The following INPP5F variants were observed in gnomAD, a reference collection of about 807,000 sequenced individuals.
The protein encoded by INPP5F is phosphatidylinositide 4-phosphatase SAC2.
INPP5F carries 97 observed loss-of-function variants against 137.2 expected under a neutral mutation model. The observed-to-expected ratio is 0.71, with a 90% CI of 0.60 to 0.84. The LOEUF (loss-of-function observed/expected upper bound fraction) is 0.84. INPP5F is among the 40% of genes least tolerant of loss of function. INPP5F has a pLI of 0.00. For missense variants in INPP5F, 1,271 were observed against 1,371.9 expected (o/e 0.93, Z 1.16); for synonymous variants, 504 against 476.9 (o/e 1.06, Z -0.74).
chr10:119,743,061 C>G (rs1271159050), intron 1 of INPP5F, among the ~76,000 whole-genome samples: 8 of 152,192 alleles, frequency 5.3e-5, no homozygotes. Flanking sequence ...TGTTAACAAG[C>G]TGTGCAGTGT....
At position 119,822,099 on chromosome 10, in the gene INPP5F, A is replaced by G. The variant is rs1851591906; in HGVS notation, c.1959-332A>G. The stretch of plus-strand genomic sequence containing the variant: ...AAGACGGGGTTTCTCCGTGTTGGTC[A>G]GGCTGGTCTCGAACTCCTGACCTCA... On this transcript the variant is annotated intron_variant, in intron 16 of 19. Coordinates refer to ENST00000650623, the MANE Select transcript of INPP5F (RefSeq NM_014937.4). Among the ~76,000 whole-genome samples, 5 of 152,102 alleles carry G rather than the reference A, an allele frequency of 3.3e-5. No homozygotes were observed. In the South Asian group the frequency reaches 1.0e-3, roughly 32 times the overall value.
chr10:119,738,993 G>A (rs1848298550), intron 1 of INPP5F, among the ~76,000 whole-genome samples: 1 of 149,924 alleles, frequency 6.7e-6, no homozygotes, highest in Non-Finnish European at 1.5e-5. Flanking sequence ...ACCAGGCTGG[G>A]CAATATAGAT....
At chr10:119,824,609 A>T (rs1275701152) in intron 19 of INPP5F, among the ~76,000 whole-genome samples, 1 of 152,182 alleles carries the variant, frequency 6.6e-6, no homozygotes, top group Non-Finnish European at 1.5e-5. Flanking sequence ...CTGCACTGCA[A>T]ACTTTGTGTT....
At chr10:119,769,896 A>C (rs1259523452) in intron 2 of INPP5F, among the ~76,000 whole-genome samples, 1 of 152,178 alleles carries the variant, frequency 6.6e-6, no homozygotes, top group Non-Finnish European at 1.5e-5. Flanking sequence ...CACATGAGCA[A>C]TTCCAATAAT....
At chr10:119,774,695 A>G (rs571409726) in intron 2 of INPP5F, among the ~76,000 whole-genome samples, 1 of 151,964 alleles carries the variant, frequency 6.6e-6, no homozygotes, top group South Asian at 2.1e-4. Context: ...CCTTTTTTCT[A>G]TTACATATGC....
At chr10:119,779,779 T>C (rs559516814) in intron 2 of INPP5F, among the ~76,000 whole-genome samples, 1 of 152,316 alleles carries the variant, frequency 6.6e-6, no homozygotes, top group Non-Finnish European at 1.5e-5. Context: ...TTTTCTACTT[T>C]ATAAACTTTT....
At chr10:119,750,997 TC>T (rs1165431003) in intron 1 of INPP5F, 78 bp from the exon 2 acceptor site, 1 of 930,530 alleles carries the variant, frequency 1.1e-6, no homozygotes, top group African/African-American at 1.6e-5. Flanking sequence ...TGATTTTTTT[TC>T]AATACACTGC....
At chr10:119,758,799 A>G (rs1163682816) in intron 2 of INPP5F, among the ~76,000 whole-genome samples, 1 of 152,184 alleles carries the variant, frequency 6.6e-6, no homozygotes, top group Non-Finnish European at 1.5e-5. Flanking sequence ...TTAAAATAAT[A>G]CTCGCCATCT....
At chr10:119,822,855 T>A (rs1851617918) in intron 17 of INPP5F, among the ~76,000 whole-genome samples, 1 of 152,194 alleles carries the variant, frequency 6.6e-6, no homozygotes, top group South Asian at 2.1e-4. Flanking sequence ...CTTTTATTAT[T>A]TACCTTGTGA....
chr10:119,827,687 G>T lies in INPP5F; in HGVS notation c.3306G>T (p.Lys1102Asn). 6.2e-7 allele frequency: 1 copy of T among 1,614,022 alleles called. No homozygotes were observed. The highest frequency in any genetic ancestry group is 8.5e-7 in the Non-Finnish European group (1 of 1,179,900). ...ACTTTGCAGTGTCAAAAGTTCAGAA[G>T]AGTCCTCCAGAACCTGAAATCATTA... ...GINFAVSKVQ[K>N]SPPEPEIINQ... The change falls in exon 20 of 20, where the codon AAG becomes AAT. Residue 1102 changes from lysine (K) to asparagine (N), a missense_variant. Lys to Asn is a moderately conservative substitution (Grantham distance 94). Transcript: ENST00000650623.
intron 19 of INPP5F, among the ~76,000 whole-genome samples, chr10:119,824,836 G>A (rs1212084772): frequency 6.6e-6 from 1 of 152,024 alleles, no homozygotes; most frequent in East Asian, 1.9e-4. Flanking sequence ...CCAGCCTCTT[G>A]TACACATTTT....
chr10:119,730,156 C>T (rs142028815), intron 1 of INPP5F, among the ~76,000 whole-genome samples: 1,773 of 152,126 alleles, frequency 0.012, 18 homozygotes, highest in Non-Finnish European at 0.016. Flanking sequence ...GTTGCCCAGG[C>T]TGGAGTGCAA....
At chr10:119,792,638 T>A (rs1006860613) in intron 6 of INPP5F, among the ~76,000 whole-genome samples, 1 of 147,308 alleles carries the variant, frequency 6.8e-6, no homozygotes, top group African/African-American at 2.5e-5. Context: ...AATAGCCAAA[T>A]CTCTGAGGCC....
chr10:119,819,772 G>C (rs1459775370), intron 15 of INPP5F: 1 of 358,084 alleles, frequency 2.8e-6, no homozygotes, highest in South Asian at 1.1e-4. Context: ...TTTAGATTAA[G>C]ACTGTTGGAC....
chr10:119,802,001 G>A (rs940561051), intron 9 of INPP5F, among the ~76,000 whole-genome samples: 1 of 152,102 alleles, frequency 6.6e-6, no homozygotes, highest in Admixed American at 6.6e-5. Context: ...TACTTTCCAG[G>A]GCGTTGGGCC....
At chr10:119,825,081 T>C (rs1430375700) in intron 19 of INPP5F, among the ~76,000 whole-genome samples, 1 of 152,172 alleles carries the variant, frequency 6.6e-6, no homozygotes, top group Non-Finnish European at 1.5e-5. Flanking sequence ...TGAGAGAAAA[T>C]CCATGTCAGT....
Position 119,751,278 on chromosome 10 carries a change from G to T in INPP5F, c.178+122G>T, listed in dbSNP as rs1035226816. On this transcript the variant is annotated intron_variant, in intron 2 of 19. Transcript: ENST00000650623. ...ATTCCTTTGTTTTAATTTTGGGTCT[G>T]CTCAAAGTGGGTGTATAATGAGCGA... 4.3e-6 allele frequency: 3 copies of T among 697,260 alleles called. No individual in the cohort carries two copies. The Admixed American group carries it at 6.8e-5, about 16-fold the overall frequency. The allele number at this position is 697,260 out of a possible 1,614,324, so 43.2% of individuals were successfully genotyped here.
intron 3 of INPP5F, among the ~76,000 whole-genome samples, chr10:119,789,034 T>C (rs1051644932): frequency 6.6e-6 from 1 of 152,176 alleles, no homozygotes; most frequent in African/African-American, 2.4e-5. Flanking sequence ...GAGACCAGCC[T>C]GACCAACATG....
In INPP5F at chr10:119,821,698, CCTCCTCTCTCTCT is replaced by C. The variant is rs796199733; in HGVS notation, c.1959-728_1959-716del. Among the ~76,000 whole-genome samples, 569 of 150,680 alleles carry C rather than the reference CCTCCTCTCTCTCT, an allele frequency of 3.8e-3. 5 individuals carry two copies. The highest frequency in any genetic ancestry group is 0.013 in the African/African-American group (548 of 40,922). On this transcript the variant is annotated intron_variant, in intron 16 of 19. Transcript: ENST00000650623. ...GTTTGTTTCTCTTTCTGTCTTTCTCCCTCCTCTCTCTCTCTCCCTCCCTTCATCTCTGCCTCCC... is the reference window on the plus strand; with the variant it reads ...GTTTGTTTCTCTTTCTGTCTTTCTCCCTCCCTCCCTTCATCTCTGCCTCCC...
Sources: allele counts gnomAD v4.1 joint callset (sites outside exome capture counted in the v4.1 genomes callset), GRCh38; gene constraint gnomAD v4.1.1; transcripts MANE v1.5; gene names NCBI Gene and HGNC (gene_info 2026-07-23, HGNC 2026-07-21).